Variants in FAM135B observed in about 807,000 individuals in gnomAD.
FAM135B encodes the protein protein FAM135B.
A neutral mutation model predicts 127.7 loss-of-function variants in FAM135B; 43 were observed. That is an observed-to-expected ratio of 0.34 (90% CI 0.26 to 0.43). The LOEUF is 0.43. FAM135B is among the 20% of genes least tolerant of loss of function. The pLI is 1.00. For missense variants in FAM135B, 1,558 were observed against 1,725.6 expected (o/e 0.90, Z 1.72); for synonymous variants, 670 against 665.1 (o/e 1.01, Z -0.11).
At chr8:138,268,270 A>G (rs1196380193) in intron 3 of FAM135B, among the ~76,000 whole-genome samples, 2 of 152,228 alleles carry the variant, frequency 1.3e-5, no homozygotes, top group African/African-American at 4.8e-5. Flanking sequence ...TTGTGTTTGC[A>G]GAGAAACTTC....
intron 1 of FAM135B, among the ~76,000 whole-genome samples, chr8:138,433,237 A>C (rs771799422): frequency 6.6e-6 from 1 of 152,134 alleles, no homozygotes; most frequent in African/African-American, 2.4e-5. Flanking sequence ...AAAGATTATT[A>C]AGGCCGGGCA....
intron 12 of FAM135B, among the ~76,000 whole-genome samples, chr8:138,159,042 G>A (rs1049371516): frequency 6.6e-5 from 10 of 151,044 alleles, no homozygotes; most frequent in African/African-American, 2.4e-4. Context: ...GGAGGCCGAG[G>A]CGGGTGGATC....
chr8:138,148,923 T>G (rs1817877685), intron 13 of FAM135B: 1 of 163,552 alleles, frequency 6.1e-6, no homozygotes, highest in South Asian at 1.4e-4. Flanking sequence ...AGGTGGGAAT[T>G]GAACAATGAG....
intron 7 of FAM135B, among the ~76,000 whole-genome samples, chr8:138,237,967 C>T (rs1191309018): frequency 6.6e-6 from 1 of 152,172 alleles, no homozygotes; most frequent in African/African-American, 2.4e-5. Flanking sequence ...CCAACTGGAC[C>T]AGGCAGTGTC....
intron 9 of FAM135B, among the ~76,000 whole-genome samples, chr8:138,184,420 T>A (rs1406937212): frequency 6.6e-6 from 1 of 152,134 alleles, no homozygotes; most frequent in Admixed American, 6.5e-5. Flanking sequence ...GCACACTCTG[T>A]ATGGGAGGAT....
intron 1 of FAM135B, among the ~76,000 whole-genome samples, chr8:138,442,115 G>A (rs1835809574): frequency 6.6e-6 from 1 of 151,036 alleles, no homozygotes; most frequent in Non-Finnish European, 1.5e-5. Flanking sequence ...GTTGGAAACT[G>A]AGGGTCTTAA....
chr8:138,221,198 C>T (rs529608213), intron 7 of FAM135B, among the ~76,000 whole-genome samples: 1 of 152,280 alleles, frequency 6.6e-6, no homozygotes, highest in South Asian at 2.1e-4. Flanking sequence ...AGGAAGCATA[C>T]TGGCTTCTGT....
chr8:138,156,662 A>T (rs140005484), intron 12 of FAM135B, among the ~76,000 whole-genome samples: 5 of 151,842 alleles, frequency 3.3e-5, no homozygotes, highest in African/African-American at 1.2e-4. Flanking sequence ...GAGAATACTA[A>T]AAACACCTCT....
chr8:138,489,086 A>T (rs1815104384), intron 1 of FAM135B, among the ~76,000 whole-genome samples: 2 of 152,222 alleles, frequency 1.3e-5, no homozygotes, highest in African/African-American at 2.4e-5. Context: ...CTCAGTTATC[A>T]TCTACGTGCT....
intron 5 of FAM135B, among the ~76,000 whole-genome samples, chr8:138,253,637 C>T (rs934126866): frequency 7.2e-5 from 11 of 152,160 alleles, no homozygotes; most frequent in Non-Finnish European, 1.5e-5. Flanking sequence ...AGCATCCTCC[C>T]GAGCTGTGAC....
chr8:138,297,305 T>A (rs1342904062), intron 3 of FAM135B, among the ~76,000 whole-genome samples: 1 of 152,088 alleles, frequency 6.6e-6, no homozygotes, highest in East Asian at 1.9e-4. Context: ...CCTAAGTAAA[T>A]CTGCAACATG....
intron 1 of FAM135B, among the ~76,000 whole-genome samples, chr8:138,397,232 C>A (rs1467988400): frequency 6.6e-6 from 1 of 152,166 alleles, no homozygotes; most frequent in Non-Finnish European, 1.5e-5. Flanking sequence ...GGCACAAAAC[C>A]ACCCACAACA....
At chr8:138,330,983 C>T (rs1222278891) in intron 2 of FAM135B, among the ~76,000 whole-genome samples, 1 of 152,002 alleles carries the variant, frequency 6.6e-6, no homozygotes, top group Non-Finnish European at 1.5e-5. Flanking sequence ...GCTGGGATTA[C>T]AGGCATGCAC....
chr8:138,288,825 TCTC>T (rs1824888509), intron 3 of FAM135B, among the ~76,000 whole-genome samples: 2 of 152,066 alleles, frequency 1.3e-5, no homozygotes, highest in South Asian at 4.2e-4. Flanking sequence ...ATTAATAAAA[TCTC>T]CTAAAAAATG....
intron 5 of FAM135B, among the ~76,000 whole-genome samples, chr8:138,252,893 G>C (rs1233647983): frequency 1.3e-5 from 2 of 152,094 alleles, no homozygotes; most frequent in Non-Finnish European, 2.9e-5. Context: ...TCTGCCTCCT[G>C]GGTTCAAGCA....
chr8:138,393,107 G>A (rs1420465349), intron 1 of FAM135B, among the ~76,000 whole-genome samples: 1 of 152,128 alleles, frequency 6.6e-6, no homozygotes, highest in East Asian at 1.9e-4. Context: ...GCCTTATAAA[G>A]CCATCAGATC....
intron 2 of FAM135B, among the ~76,000 whole-genome samples, chr8:138,349,247 G>A (rs1829625148): frequency 6.6e-6 from 1 of 152,186 alleles, no homozygotes; most frequent in Non-Finnish European, 1.5e-5. Context: ...GAGCTGTTTG[G>A]GAATAGGGAC....
intron 5 of FAM135B, among the ~76,000 whole-genome samples, chr8:138,253,913 T>C (rs1488741199): frequency 1.3e-5 from 2 of 152,210 alleles, no homozygotes; most frequent in Admixed American, 6.5e-5. Context: ...AATTAAAAAA[T>C]GTGGCATTTT....
At chr8:138,261,948 A>G (rs1822569170) in intron 4 of FAM135B, among the ~76,000 whole-genome samples, 1 of 152,242 alleles carries the variant, frequency 6.6e-6, no homozygotes, top group Non-Finnish European at 1.5e-5. Context: ...AAATGCATCC[A>G]TTCCAAATAT....
Sources: allele counts gnomAD v4.1 joint callset (sites outside exome capture counted in the v4.1 genomes callset), GRCh38; gene constraint gnomAD v4.1.1; transcripts MANE v1.5; gene names NCBI Gene and HGNC (gene_info 2026-07-23, HGNC 2026-07-21).